The following DIAPH3 variants were observed in gnomAD, a reference collection of about 807,000 sequenced individuals.
DIAPH3 encodes the protein protein diaphanous homolog 3.
Under a neutral mutation model 144.3 loss-of-function variants are expected in DIAPH3, and 117 were observed. The observed-to-expected ratio is 0.81, with a 90% CI of 0.70 to 0.95. The LOEUF (loss-of-function observed/expected upper bound fraction) is 0.95. Ranked by LOEUF, DIAPH3 falls within the 40% of genes least tolerant of loss-of-function variation. The pLI is 0.00. For missense variants in DIAPH3, 1,421 were observed against 1,412.7 expected (o/e 1.01, Z -0.09); for synonymous variants, 519 against 488.9 (o/e 1.06, Z -0.81).
rs557328662 is a variant in DIAPH3 at position 60,123,296 on chromosome 13, G to A, written c.213+9661C>T. Among the ~76,000 whole-genome samples, 5 of 152,210 alleles carry A rather than the reference G, an allele frequency of 3.3e-5. No individual in the cohort carries two copies. In the South Asian group the frequency reaches 6.2e-4, roughly 19 times the overall value. On this transcript the variant is annotated intron_variant, in intron 2 of 27. Transcript: ENST00000400324. ...ATCCATTTCTCTACTGCACCCAGAC[G>A]ACAGAGACCTTCTTTTTCCATATTT...
At chr13:59,934,968 G>C (rs1566539849) in intron 17 of DIAPH3, among the ~76,000 whole-genome samples, 1 of 152,162 alleles carries the variant, frequency 6.6e-6, no homozygotes, top group South Asian at 2.1e-4. Flanking sequence ...GAAGAGAAAT[G>C]TTTAGTCTCC....
intron 27 of DIAPH3, among the ~76,000 whole-genome samples, chr13:59,736,182 A>C (rs2453864): frequency 0.66 from 99,745 of 152,032 alleles, 33,166 homozygotes; most frequent in East Asian, 0.72. Context: ...TTGTTTATCC[A>C]ATCTATCATT....
chr13:59,737,724 G>T (rs2036227880), intron 27 of DIAPH3, among the ~76,000 whole-genome samples: 1 of 152,110 alleles, frequency 6.6e-6, no homozygotes, highest in Non-Finnish European at 1.5e-5. Context: ...CCTCAAAAAG[G>T]TTATTCTGAA....
chr13:60,050,922 A>G (rs2056315153), intron 4 of DIAPH3, among the ~76,000 whole-genome samples: 1 of 152,208 alleles, frequency 6.6e-6, no homozygotes, highest in Admixed American at 6.5e-5. Context: ...GATGTCCTCA[A>G]TATGAAAATA....
intron 21 of DIAPH3, among the ~76,000 whole-genome samples, chr13:59,867,640 T>C (rs1234827571): frequency 6.6e-6 from 1 of 152,136 alleles, no homozygotes; most frequent in African/African-American, 2.4e-5. Flanking sequence ...TTCTCTTGAA[T>C]TACAGTGAGT....
intron 27 of DIAPH3, among the ~76,000 whole-genome samples, chr13:59,715,626 T>C (rs2035008635): frequency 6.6e-6 from 1 of 152,028 alleles, no homozygotes; most frequent in Admixed American, 6.6e-5. Flanking sequence ...AAAAAAAATC[T>C]GTTCCCCTGT....
intron 22 of DIAPH3, 35 bp downstream of exon 22, chr13:59,861,372 C>G: frequency 6.2e-7 from 1 of 1,613,376 alleles, no homozygotes; most frequent in South Asian, 1.1e-5. Context: ...CACTGAAGAT[C>G]AGAGCCATGA....
intron 25 of DIAPH3, among the ~76,000 whole-genome samples, chr13:59,799,271 C>T (rs1024005271): frequency 6.6e-6 from 1 of 151,528 alleles, no homozygotes; most frequent in African/African-American, 2.4e-5. Flanking sequence ...GAAGGGTGGC[C>T]GAAGCTGGCT....
intron 22 of DIAPH3, among the ~76,000 whole-genome samples, chr13:59,844,577 G>T (rs924954091): frequency 1.3e-5 from 2 of 151,004 alleles, no homozygotes; most frequent in Admixed American, 6.6e-5. Flanking sequence ...CACTCTTAAA[G>T]AATTTTTAAT....
chr13:60,052,160 A>T (rs1004126389), intron 4 of DIAPH3, among the ~76,000 whole-genome samples: 4 of 152,060 alleles, frequency 2.6e-5, no homozygotes, highest in African/African-American at 9.7e-5. Flanking sequence ...TGTTAAGTAT[A>T]TAAGGAGAGA....
intron 25 of DIAPH3, among the ~76,000 whole-genome samples, chr13:59,791,141 AT>A (rs2039305486): frequency 6.6e-6 from 1 of 151,970 alleles, no homozygotes; most frequent in African/African-American, 2.4e-5. Flanking sequence ...ATTAAAAAAA[AT>A]TTTGTTTTAT....
At chr13:60,116,284 T>C (rs1388798604) in intron 2 of DIAPH3, among the ~76,000 whole-genome samples, 3 of 152,016 alleles carry the variant, frequency 2.0e-5, no homozygotes, top group African/African-American at 7.2e-5. Context: ...TGTATTATAA[T>C]AGCAAAAAAG....
intron 27 of DIAPH3, among the ~76,000 whole-genome samples, chr13:59,763,165 A>G (rs1566275418): frequency 6.6e-6 from 1 of 152,136 alleles, no homozygotes; most frequent in Non-Finnish European, 1.5e-5. Context: ...TGTTTTCCAT[A>G]TCCAAGGGAT....
intron 27 of DIAPH3, among the ~76,000 whole-genome samples, chr13:59,706,532 TA>T (rs2034437234): frequency 6.6e-6 from 1 of 152,236 alleles, no homozygotes; most frequent in Admixed American, 6.5e-5. Context: ...TGGCTGCTCG[TA>T]AAGGTGATTA....
At chr13:59,926,373 G>C (rs1220498322) in intron 17 of DIAPH3, among the ~76,000 whole-genome samples, 1 of 151,992 alleles carries the variant, frequency 6.6e-6, no homozygotes. Context: ...GGTTTGGTTT[G>C]TTGTTTTCCT....
At chr13:59,762,207 G>A (rs2037636754) in intron 27 of DIAPH3, among the ~76,000 whole-genome samples, 1 of 151,670 alleles carries the variant, frequency 6.6e-6, no homozygotes, top group Admixed American at 6.6e-5. Context: ...GACTACAGGT[G>A]TGCACCACCA....
At chr13:59,797,296 C>G (rs1206106714) in intron 25 of DIAPH3, among the ~76,000 whole-genome samples, 1 of 152,106 alleles carries the variant, frequency 6.6e-6, no homozygotes, top group South Asian at 2.1e-4. Flanking sequence ...GGGACACTCG[C>G]TTGTTTTATT....
intron 9 of DIAPH3, among the ~76,000 whole-genome samples, chr13:60,008,090 C>T (rs898257926): frequency 6.6e-6 from 1 of 151,968 alleles, no homozygotes; most frequent in East Asian, 1.9e-4. Flanking sequence ...AATAGGAATT[C>T]TATATTCTAA....
At chr13:59,774,146 A>T in intron 27 of DIAPH3, 43 bp downstream of exon 27, 1 of 1,583,330 alleles carries the variant, frequency 6.3e-7, no homozygotes, top group East Asian at 2.2e-5. Context: ...ATAGGATAAA[A>T]GTAGATAAGA....
Sources: gnomAD v4.1 joint callset for allele counts (sites outside exome capture counted in the v4.1 genomes callset) on GRCh38, gnomAD v4.1.1 for gene constraint, MANE v1.5 for transcripts, NCBI Gene and HGNC (gene_info 2026-07-23, HGNC 2026-07-21) for gene names.